Variants in CLEC4G observed in about 807,000 individuals in gnomAD.
CLEC4G encodes the protein C-type lectin superfamily 4, member G.
In CLEC4G, 34 loss-of-function variants were observed where a neutral mutation model predicts 37.0. That is an observed-to-expected ratio of 0.92 (90% CI 0.70 to 1.22). The LOEUF is 1.22. Among genes scored for constraint, CLEC4G ranks in the 50% most tolerant of loss-of-function variants. CLEC4G has a pLI of 0.00. For synonymous variants in CLEC4G, 167 were observed against 165.6 expected, an observed-to-expected ratio of 1.01 and a Z score of -0.06; for missense variants, 390 against 392.9, an observed-to-expected ratio of 0.99 and a Z score of 0.06.
Position 7,732,071 on chromosome 19 carries a change from C to T in CLEC4G, c.32G>A (p.Gly11Asp), listed in dbSNP as rs2033441952. 1 of 1,610,170 alleles carries T rather than the reference C, an allele frequency of 6.2e-7. No individual in the cohort carries two copies. The highest frequency in any genetic ancestry group is 1.7e-5 in the Admixed American group (1 of 60,026). MDTTRYSKWG[G>D]SSEEVPGGPW... ...ACCTCCGGGGACCTCCTCGGAGCTGCCGCCCCACTTGCTGTACCTGGTGGT... is the reference window on the plus strand; with the variant it reads ...ACCTCCGGGGACCTCCTCGGAGCTGTCGCCCCACTTGCTGTACCTGGTGGT... Residue 11 changes from glycine (G) to aspartate (D), a missense_variant, in exon 1 of 9, where the codon GGC (glycine) becomes GAC (aspartate). Coordinates refer to ENST00000328853, the MANE Select transcript of CLEC4G (RefSeq NM_198492.4).
chr19:7,729,624 C>G (rs187427758), intron 8 of CLEC4G, 120 bp from the exon 9 acceptor site: 1 of 1,186,984 alleles, frequency 8.4e-7, no homozygotes, highest in Non-Finnish European at 1.2e-6. Context: ...GACACCCCAA[C>G]TGTCTAACCT....
At chr19:7,731,804 C>A (rs368296499) in intron 1 of CLEC4G, 33 bp from the exon 2 acceptor site, 1 of 1,598,682 alleles carries the variant, frequency 6.3e-7, no homozygotes. Flanking sequence ...CTGGGTCCCC[C>A]AGAACTGAGC....
rs766213040 is a variant in CLEC4G, at chr19:7,731,325, G to A, written c.167-6C>T. The A allele has an allele frequency of 9.6e-6, 15 of 1,569,506 alleles. No homozygotes were observed. The highest frequency in any genetic ancestry group is 8.6e-7 in the Non-Finnish European group (1 of 1,162,888). ...CGCCGCGCGCTCCGTGGAGGCTGAG[G>A]AGAGAGGCTCCTGCAGGCGAGGCCG... is the stretch of plus-strand genomic sequence containing the variant. On this transcript the variant is annotated splice_region_variant and splice_polypyrimidine_tract_variant and intron_variant, in intron 2 of 8. Coordinates refer to ENST00000328853, the MANE Select transcript of CLEC4G (RefSeq NM_198492.4).
intron 2 of CLEC4G, 89 bp from the exon 3 acceptor site, chr19:7,731,408 C>A: frequency 6.6e-7 from 1 of 1,511,558 alleles, no homozygotes; most frequent in Admixed American, 2.0e-5. Flanking sequence ...CTCGGGAGCA[C>A]GGAGCGGGCG....
chr19:7,729,821 C>A lies in CLEC4G; in HGVS notation c.743G>T (p.Ser248Ile), dbSNP rs763635364. The A allele has an allele frequency of 6.2e-7, 1 of 1,614,098 alleles. No homozygotes were observed. Among genetic ancestry groups the A allele is most frequent in the Admixed American group, 1.7e-5 (1 of 60,016 alleles). ...QWVDGVSLSFSHWNQGEPNDA... is the reference protein window; with the variant it reads ...QWVDGVSLSFIHWNQGEPNDA... ...GTCTCACCAGGAGCCTTTCCCTCAC[C>A]TGAAGCTGAGAGAGACTCCGTCCAC... Residue 248 changes from serine (S) to isoleucine (I), a missense_variant and splice_region_variant, in exon 8 of 9, where the codon AGC (serine) becomes ATC (isoleucine). Coordinates refer to ENST00000328853, the MANE Select transcript of CLEC4G (RefSeq NM_198492.4).
rs1483609351 is a variant in CLEC4G, at chr19:7,732,057, C to T, written c.46G>A (p.Val16Ile). ...GTCTCCTTGCTCATACCTCCGGGGACCTCCTCGGAGCTGCCGCCCCACTTG... is the reference window on the plus strand; with the variant it reads ...GTCTCCTTGCTCATACCTCCGGGGATCTCCTCGGAGCTGCCGCCCCACTTG... ...YSKWGGSSEEVPGGPWGRWVH... is the reference protein window; with the variant it reads ...YSKWGGSSEEIPGGPWGRWVH... Residue 16 changes from valine to isoleucine, a missense_variant, in exon 1 of 9, where the codon GTC becomes ATC. Coordinates refer to ENST00000328853, the MANE Select transcript of CLEC4G (RefSeq NM_198492.4). The T allele has an allele frequency of 5.0e-6, 8 of 1,606,012 alleles. No homozygotes were observed. Among genetic ancestry groups the T allele is most frequent in the Non-Finnish European group, 6.8e-6 (8 of 1,172,594 alleles).
Position 7,730,247 on chromosome 19 carries a change from C to T in CLEC4G, c.479-80G>A. ...GAGGATGCAGTGGGTAGGGGTTCGGCCCCGCGGGCTCAGGGGTGGAGACAC... is the reference window on the plus strand; with the variant it reads ...GAGGATGCAGTGGGTAGGGGTTCGGTCCCGCGGGCTCAGGGGTGGAGACAC... On this transcript the variant is annotated intron_variant, in intron 6 of 8. Transcript: ENST00000328853. This position sits in a 1 kb window ranked among gnomAD's most constrained non-coding sequence, Gnocchi z 7.3. The T allele has an allele frequency of 6.3e-7, 1 of 1,576,590 alleles. No individual in the cohort carries two copies. Among genetic ancestry groups the T allele is most frequent in the Non-Finnish European group, 8.6e-7 (1 of 1,163,580 alleles).
rs1388593410 is a variant in CLEC4G, at chr19:7,730,163, G to A, written c.483C>T (p.Ser161=). 1 of 1,611,832 alleles carries A rather than the reference G, an allele frequency of 6.2e-7. No homozygotes were observed. Among genetic ancestry groups the A allele is most frequent in the Non-Finnish European group, 8.5e-7 (1 of 1,179,368 alleles). ...GCCACGACGTGGGGCACGGCTCGCA[G>A]GAGTCTGCGGGGTGGCGAGGGTCAG... The part of the protein sequence containing the change: ...ALEAVRLQNN[S]CEPCPTSWLS... The change falls in exon 7 of 9, where the codon TCC becomes TCT. Residue 161 remains serine (S), a synonymous_variant. Coordinates refer to ENST00000328853, the MANE Select transcript of CLEC4G (RefSeq NM_198492.4). This position sits in a 1 kb window ranked among gnomAD's most constrained non-coding sequence, Gnocchi z 7.3.
At chr19:7,731,958 C>G in intron 1 of CLEC4G, 90 bp downstream of exon 1, 1 of 1,461,864 alleles carries the variant, frequency 6.8e-7, no homozygotes, top group Non-Finnish European at 9.5e-7. Context: ...CTCCTGCACC[C>G]ACAACCCTGG....
At position 7,730,461 on chromosome 19, in the gene CLEC4G, G is replaced by A; in HGVS notation, c.389-21C>T. On this transcript the variant is annotated intron_variant, in intron 5 of 8. Coordinates refer to ENST00000328853, the MANE Select transcript of CLEC4G (RefSeq NM_198492.4). This position sits in a 1 kb window ranked among gnomAD's most constrained non-coding sequence, Gnocchi z 7.3. ...GGTCACTGCGGGGTCAAGGGAGCGG[G>A]GATTATGGCTGGGGTCAGGGCCAGG... The A allele has an allele frequency of 6.3e-7, 1 of 1,598,276 alleles. No individual in the cohort carries two copies. Among genetic ancestry groups the A allele is most frequent in the Non-Finnish European group, 8.5e-7 (1 of 1,179,070 alleles).
At chr19:7,729,603 G>C in intron 8 of CLEC4G, 99 bp from the exon 9 acceptor site, 1 of 1,200,936 alleles carries the variant, frequency 8.3e-7, no homozygotes, top group Non-Finnish European at 1.2e-6. Context: ...TTATTGCTTG[G>C]GTCTACTCTA....
Position 7,731,669 on chromosome 19 carries a change from AAT to A in CLEC4G, c.156_157del (p.Leu53ValfsTer12). The A allele has an allele frequency of 6.2e-7, 1 of 1,614,078 alleles. No homozygotes were observed. Among genetic ancestry groups the A allele is most frequent in the Non-Finnish European group, 8.5e-7 (1 of 1,179,958 alleles). The stretch of plus-strand genomic sequence containing the variant: ...CATTGAGAGTCACTCACCCTTGGAC[AAT>A]AGGATACTCAGAATCACAGCCCAAA... On this transcript the variant is annotated frameshift_variant, in exon 2 of 9. Coordinates refer to ENST00000328853, the MANE Select transcript of CLEC4G (RefSeq NM_198492.4). LOFTEE classifies it high-confidence loss of function.
intron 2 of CLEC4G, 49 bp downstream of exon 2, chr19:7,731,612 T>G (rs761344598): frequency 7.5e-6 from 12 of 1,598,174 alleles, no homozygotes; most frequent in Non-Finnish European, 8.5e-6. Flanking sequence ...GGGGGTTTTC[T>G]GTCCCCAGGG....
At chr19:7,731,617 C>A (rs769369840) in intron 2 of CLEC4G, 44 bp downstream of exon 2, 25 of 1,604,480 alleles carry the variant, frequency 1.6e-5, no homozygotes, top group Admixed American at 1.5e-4. Flanking sequence ...TTTTCTGTCC[C>A]CAGGGGGGCC....
Position 7,730,080 on chromosome 19 carries a change from G to C in CLEC4G, c.566C>G (p.Ala189Gly). Reference sequence around the variant, plus strand: ...GCTGGCATCTGCGCAGTGATCCTGCGCCGCCGCCCACGTCGTCTTTGGCAC... The same window carrying C: ...GCTGGCATCTGCGCAGTGATCCTGCCCCGCCGCCCACGTCGTCTTTGGCAC... ...FSVPKTTWAA[A>G]QDHCADASAH... is the part of the protein sequence containing the mutation. The change falls in exon 7 of 9, where the codon GCG (alanine) becomes GGG (glycine). Residue 189 changes from alanine (A) to glycine (G), a missense_variant. Ala to Gly is a moderately conservative substitution (Grantham distance 60). Transcript: ENST00000328853. The surrounding 1 kb of genome is among the most constrained non-coding windows in gnomAD (Gnocchi z 7.3). 6.2e-7 allele frequency: 1 copy of C among 1,607,484 alleles called. No homozygotes were observed.
rs1263544935 is a variant in CLEC4G, at chr19:7,730,874, G to A, written c.284-15C>T. 6.5e-7 allele frequency: 1 copy of A among 1,528,440 alleles called. No homozygotes were observed. Among genetic ancestry groups the A allele is most frequent in the Non-Finnish European group, 8.7e-7 (1 of 1,144,182 alleles). The allele number at this position is 1,528,440 out of a possible 1,614,324, so 94.7% of individuals were successfully genotyped here. ...CGTCCCCGAGCCTGGGAGCCGCAGGGTGAGAGGGGCGAGGGCGGCGAGGAT... is the reference window on the plus strand; with the variant it reads ...CGTCCCCGAGCCTGGGAGCCGCAGGATGAGAGGGGCGAGGGCGGCGAGGAT... On this transcript the variant is annotated splice_polypyrimidine_tract_variant and intron_variant, in intron 4 of 8. Coordinates refer to ENST00000328853, the MANE Select transcript of CLEC4G (RefSeq NM_198492.4). This position sits in a 1 kb window ranked among gnomAD's most constrained non-coding sequence, Gnocchi z 7.3.
Position 7,729,175 on chromosome 19 carries a change from T to A in CLEC4G, c.*191A>T, listed in dbSNP as rs1357207426. ...CTGCGTGAGTGGAGTTAGGATGAGG[T>A]CGGCATGGAGGTCCCAGAGCCCAGG... On this transcript the variant is annotated 3_prime_UTR_variant, in exon 9 of 9. Transcript: ENST00000328853. 5.8e-6 allele frequency: 4 copies of A among 692,764 alleles called. No homozygotes were observed. The African/African-American group carries it at 7.0e-5, about 12-fold the overall frequency. The allele number at this position is 692,764 out of a possible 1,614,324, so 42.9% of individuals were successfully genotyped here.
chr19:7,729,591 G>T, intron 8 of CLEC4G, 87 bp from the exon 9 acceptor site: 1 of 1,242,712 alleles, frequency 8.0e-7, no homozygotes. Context: ...GCTCTAGCCT[G>T]TTTATTGCTT....
At chr19:7,731,194 C>T in intron 3 of CLEC4G, 72 bp downstream of exon 3, 2 of 1,572,818 alleles carry the variant, frequency 1.3e-6, no homozygotes, top group Non-Finnish European at 1.7e-6. Flanking sequence ...GCACTCGAGA[C>T]TCCATCTCCG....
Sources: allele counts gnomAD v4.1 joint callset, GRCh38; gene constraint gnomAD v4.1.1; non-coding constraint Gnocchi (gnomAD v3.1); transcripts MANE v1.5; gene names NCBI Gene and HGNC (gene_info 2026-07-23, HGNC 2026-07-21).